Variants in ATG10 observed in about 807,000 individuals in gnomAD.
ATG10 encodes autophagy related 10, also known as ubiquitin-like-conjugating enzyme ATG10.
Under a neutral mutation model 32.1 loss-of-function variants are expected in ATG10, and 30 were observed. The observed-to-expected ratio is 0.94, with a 90% CI of 0.70 to 1.27. ATG10 has a LOEUF of 1.27. Among genes scored for constraint, ATG10 ranks in the 50% most tolerant of loss-of-function variants. The pLI is 0.00. For missense variants in ATG10, 233 were observed against 262.3 expected, an observed-to-expected ratio of 0.89 and a Z score of 0.77; for synonymous variants, 87 against 91.5, an observed-to-expected ratio of 0.95 and a Z score of 0.28.
At chr5:82,097,896 A>T (rs1161907291) in intron 3 of ATG10, among the ~76,000 whole-genome samples, 1 of 152,232 alleles carries the variant, frequency 6.6e-6, no homozygotes, top group Non-Finnish European at 1.5e-5. Context: ...AAGAGAATGG[A>T]CATCTTAAAA....
At chr5:82,146,888 C>G (rs1447177717) in intron 3 of ATG10, among the ~76,000 whole-genome samples, 2 of 152,118 alleles carry the variant, frequency 1.3e-5, no homozygotes, top group African/African-American at 4.8e-5. Flanking sequence ...TTTTCAACAT[C>G]TAGATAACCT....
chr5:81,983,454 C>T (rs866494172), intron 1 of ATG10, among the ~76,000 whole-genome samples: 17 of 114,314 alleles, frequency 1.5e-4, no homozygotes, highest in Non-Finnish European at 2.1e-4. Flanking sequence ...GCTGGCCGGG[C>T]GGGGGTCTGA....
chr5:82,250,462 T>C (rs761755485), intron 5 of ATG10, among the ~76,000 whole-genome samples: 121 of 152,286 alleles, frequency 7.9e-4, no homozygotes, highest in Non-Finnish European at 1.5e-3. Context: ...ACCCGTTTCC[T>C]ATTTCATAGA....
rs541499150 is a variant in ATG10 at position 82,217,156 on chromosome 5, G to A, written c.454-35406G>A. Among the ~76,000 whole-genome samples, 12 of 152,218 alleles carry A rather than the reference G, an allele frequency of 7.9e-5. No individual in the cohort carries two copies. In the East Asian group the frequency reaches 2.3e-3, roughly 29 times the overall value. On this transcript the variant is annotated intron_variant, in intron 5 of 7. Coordinates refer to ENST00000282185, the MANE Select transcript of ATG10 (RefSeq NM_031482.5). ...TTAACCACTCTGTAAGAATGCTTAG[G>A]CCTATAGTAAAATTGGGAAGATCAT...
chr5:82,006,150 C>G (rs1761981415), intron 2 of ATG10, among the ~76,000 whole-genome samples: 1 of 151,976 alleles, frequency 6.6e-6, no homozygotes, highest in Non-Finnish European at 1.5e-5. Flanking sequence ...CCTTAAAACC[C>G]TTTGCCATTA....
At position 82,000,041 on chromosome 5, in the gene ATG10, G is replaced by A. The variant is rs1581583849; in HGVS notation, c.108+12363G>A. On this transcript the variant is annotated intron_variant, in intron 2 of 7. Coordinates refer to ENST00000282185, the MANE Select transcript of ATG10 (RefSeq NM_031482.5). ...ATAAAACTTCCAGGCCAATATCCTTGATGAACATTGATGTAAAAATCCTCA... is the reference window on the plus strand; with the variant it reads ...ATAAAACTTCCAGGCCAATATCCTTAATGAACATTGATGTAAAAATCCTCA... 4.6e-5 allele frequency among the ~76,000 whole-genome samples: 7 copies of A among 152,216 alleles called. No individual in the cohort carries two copies. In the South Asian group the frequency reaches 1.5e-3, roughly 32 times the overall value.
intron 3 of ATG10, among the ~76,000 whole-genome samples, chr5:82,077,607 G>A (rs544597334): frequency 6.6e-6 from 1 of 151,780 alleles, no homozygotes; most frequent in East Asian, 1.9e-4. Flanking sequence ...CTTCTATTAA[G>A]ATATGAAGCT....
At chr5:82,140,636 C>A in intron 3 of ATG10, among the ~76,000 whole-genome samples, 1 of 57,078 alleles carries the variant, frequency 1.8e-5, no homozygotes, top group Non-Finnish European at 3.8e-5. Flanking sequence ...GCCGCCCCGT[C>A]CGGGAGGTGA....
intron 1 of ATG10, among the ~76,000 whole-genome samples, chr5:81,982,948 T>C (rs1460843025): frequency 6.6e-6 from 1 of 152,212 alleles, no homozygotes; most frequent in Non-Finnish European, 1.5e-5. Flanking sequence ...CTCCCATGTC[T>C]ACCTCTTTCT....
intron 3 of ATG10, among the ~76,000 whole-genome samples, chr5:82,129,082 T>C (rs1483938113): frequency 6.6e-6 from 1 of 151,814 alleles, no homozygotes; most frequent in Non-Finnish European, 1.5e-5. Flanking sequence ...CTTCATGCTT[T>C]ATTTCCTTAA....
chr5:82,123,091 A>G (rs757748434), intron 3 of ATG10, among the ~76,000 whole-genome samples: 22 of 152,218 alleles, frequency 1.4e-4, no homozygotes, highest in Non-Finnish European at 2.9e-5. Context: ...ACAATAGCAA[A>G]GACTAACCTA....
rs1271474324 is a variant in ATG10, at chr5:82,196,191, G to A, written c.453+17604G>A. 5.3e-5 allele frequency among the ~76,000 whole-genome samples: 8 copies of A among 151,988 alleles called. No homozygotes were observed. In the South Asian group the frequency reaches 8.3e-4, roughly 16 times the overall value. On this transcript the variant is annotated intron_variant, in intron 5 of 7. Coordinates refer to ENST00000282185, the MANE Select transcript of ATG10 (RefSeq NM_031482.5). ...ATCAGCCATTTGTATTTCTTCTTTG[G>A]AGAAATGTATACTCAAATCCTTTGT...
chr5:82,081,949 G>T (rs1764497347), intron 3 of ATG10, among the ~76,000 whole-genome samples: 1 of 152,168 alleles, frequency 6.6e-6, no homozygotes, highest in Admixed American at 6.5e-5. Flanking sequence ...GTTCCTCCTT[G>T]TACCTCTGGT....
At position 82,222,290 on chromosome 5, in the gene ATG10, C is replaced by T. The variant is rs1218320970; in HGVS notation, c.454-30272C>T. Among the ~76,000 whole-genome samples, 3 of 152,210 alleles carry T rather than the reference C, an allele frequency of 2.0e-5. No homozygotes were observed. In the East Asian group the frequency reaches 5.8e-4, roughly 29 times the overall value. ...CCAAACTGCCTGGATCAACTGTTGG[C>T]TTTTCCAAATTAGTTGTGAATACTG... On this transcript the variant is annotated intron_variant, in intron 5 of 7. Transcript: ENST00000282185.
intron 4 of ATG10, among the ~76,000 whole-genome samples, chr5:82,171,724 T>A (rs1178064365): frequency 6.6e-6 from 1 of 152,262 alleles, no homozygotes; most frequent in Admixed American, 6.5e-5. Context: ...TTTAAAAATA[T>A]AAATGTAAAA....
At chr5:82,190,265 C>T (rs1006273820) in intron 5 of ATG10, among the ~76,000 whole-genome samples, 1 of 151,766 alleles carries the variant, frequency 6.6e-6, no homozygotes, top group African/African-American at 2.4e-5. Flanking sequence ...TATTCATAAT[C>T]CCAAATGTTA....
At chr5:82,060,069 T>C (rs1763718017) in intron 3 of ATG10, among the ~76,000 whole-genome samples, 1 of 152,208 alleles carries the variant, frequency 6.6e-6, no homozygotes, top group African/African-American at 2.4e-5. Context: ...GTGAGGGAAC[T>C]GACACTTTCT....
chr5:82,092,798 C>G (rs1443837533), intron 3 of ATG10, among the ~76,000 whole-genome samples: 1 of 152,168 alleles, frequency 6.6e-6, no homozygotes, highest in Non-Finnish European at 1.5e-5. Context: ...ACCTCTTGAG[C>G]AGCAATATCA....
intron 2 of ATG10, among the ~76,000 whole-genome samples, chr5:82,052,002 G>C (rs1291679826): frequency 6.6e-6 from 1 of 152,092 alleles, no homozygotes; most frequent in Admixed American, 6.6e-5. Flanking sequence ...GCCTAGGTTT[G>C]ACCTATTCCT....
Sources: gnomAD v4.1 joint callset for allele counts (sites outside exome capture counted in the v4.1 genomes callset) on GRCh38, gnomAD v4.1.1 for gene constraint, MANE v1.5 for transcripts, NCBI Gene and HGNC (gene_info 2026-07-23, HGNC 2026-07-21) for gene names.